Variants in WFDC11 observed in about 807,000 individuals in gnomAD.
WFDC11 encodes the protein WAP four-disulfide core domain 11.
Under a neutral mutation model 9.9 loss-of-function variants are expected in WFDC11, and 9 were observed. That is an observed-to-expected ratio of 0.91 (90% CI 0.55 to 1.58). The LOEUF (loss-of-function observed/expected upper bound fraction) is 1.58, where lower values mean the gene tolerates loss of function less well. Ranked by LOEUF, WFDC11 falls within the 40% of genes most tolerant of loss-of-function variation. The pLI is 0.00. For synonymous variants in WFDC11, 32 were observed against 33.3 expected (o/e 0.96, Z 0.13); for missense variants, 106 against 101.7 (o/e 1.04, Z -0.18).
At chr20:45,661,773 C>T (rs1315837096) in intron 2 of WFDC11, among the ~76,000 whole-genome samples, 5 of 152,080 alleles carry the variant, frequency 3.3e-5, no homozygotes, top group Non-Finnish European at 7.4e-5. Context: ...TTCCATTGAT[C>T]TATATCTCCG....
chr20:45,665,289 A>G (rs1983163894), intron 2 of WFDC11, among the ~76,000 whole-genome samples: 1 of 152,030 alleles, frequency 6.6e-6, no homozygotes, highest in Non-Finnish European at 1.5e-5. Context: ...TCTTCTCTAC[A>G]CTGTTTATTC....
chr20:45,669,995 C>G (rs1339180289), intron 1 of WFDC11, among the ~76,000 whole-genome samples, 183 bp downstream of exon 1: 4 of 151,862 alleles, frequency 2.6e-5, no homozygotes, highest in African/African-American at 9.7e-5. Context: ...TACCACTGAC[C>G]CCATAAAAAT....
At chr20:45,663,102 GTTA>G (rs1983107747) in intron 2 of WFDC11, among the ~76,000 whole-genome samples, 2 of 152,074 alleles carry the variant, frequency 1.3e-5, no homozygotes, top group Admixed American at 1.3e-4. Flanking sequence ...TTCAAAGCCT[GTTA>G]TTAGTATATT....
At position 45,661,570 on chromosome 20, in the gene WFDC11, A is replaced by G. The variant is rs1283936997; in HGVS notation, c.-52+5518T>C. ...TTTTAGGTATAACGTTTAAGTCTTTAATCCATCTTGAATTAATTTTTGTAT... is the reference window on the plus strand; with the variant it reads ...TTTTAGGTATAACGTTTAAGTCTTTGATCCATCTTGAATTAATTTTTGTAT... On this transcript the variant is annotated intron_variant, in intron 2 of 4. Transcript: ENST00000324384. Among the ~76,000 whole-genome samples the G allele has an allele frequency of 4.6e-5, 7 of 152,308 alleles. No individual in the cohort carries two copies. In the East Asian group the frequency reaches 1.2e-3, roughly 25 times the overall value.
chr20:45,648,889 G>A lies in WFDC11; in HGVS notation c.244-150C>T, dbSNP rs73304831. On this transcript the variant is annotated intron_variant, in intron 4 of 4. Coordinates refer to ENST00000324384, the MANE Select transcript of WFDC11 (RefSeq NM_147197.2). ...AGGAGTTGTCCACTTCTGAGTAGGT[G>A]AGGTATTGGACAAAAAAAGGTGGAG... 6.8e-6 allele frequency: 6 copies of A among 884,022 alleles called. No homozygotes were observed. The African/African-American group carries it at 1.0e-4, about 15-fold the overall frequency. 54.8% of individuals were successfully genotyped at this position (884,022 alleles called of 1,614,324 possible). A position where few individuals can be genotyped will look rare whatever the true frequency, so the allele number is the denominator to read the frequency against.
intron 2 of WFDC11, among the ~76,000 whole-genome samples, chr20:45,664,286 C>T (rs747433196): frequency 2.0e-5 from 3 of 152,068 alleles, no homozygotes; most frequent in Non-Finnish European, 2.9e-5. Context: ...AGATCGGCCT[C>T]CATCCCTTTA....
At chr20:45,661,181 T>C (rs1174214719) in intron 2 of WFDC11, among the ~76,000 whole-genome samples, 1 of 152,322 alleles carries the variant, frequency 6.6e-6, no homozygotes, top group East Asian at 1.9e-4. Flanking sequence ...TGGTGAGCAT[T>C]TTTTCATGTG....
intron 2 of WFDC11, among the ~76,000 whole-genome samples, chr20:45,651,325 A>G (rs1370062860): frequency 6.6e-6 from 1 of 152,218 alleles, no homozygotes; most frequent in Non-Finnish European, 1.5e-5. Context: ...AAAAGGCAAT[A>G]TACATCCAGT....
intron 2 of WFDC11, among the ~76,000 whole-genome samples, chr20:45,656,767 G>A (rs1982942712): frequency 6.6e-6 from 1 of 152,200 alleles, no homozygotes; most frequent in Non-Finnish European, 1.5e-5. Context: ...CAAAGAGTGG[G>A]CAAAGGATAT....
chr20:45,665,322 T>C (rs893224685), intron 2 of WFDC11, among the ~76,000 whole-genome samples: 4 of 152,208 alleles, frequency 2.6e-5, no homozygotes, highest in Non-Finnish European at 5.9e-5. Flanking sequence ...CATCTGACTT[T>C]TTCTTATGGT....
chr20:45,654,552 G>A lies in WFDC11; in HGVS notation c.-51-3901C>T, dbSNP rs184945490. 7.2e-5 allele frequency among the ~76,000 whole-genome samples: 11 copies of A among 152,256 alleles called. No individual in the cohort carries two copies. The East Asian group carries it at 2.1e-3, about 29-fold the overall frequency. On this transcript the variant is annotated intron_variant, in intron 2 of 4. Coordinates refer to ENST00000324384, the MANE Select transcript of WFDC11 (RefSeq NM_147197.2). The stretch of plus-strand genomic sequence containing the variant: ...GAAGCAAGAGCAAACAAATTCAAAA[G>A]CTAGCAGAAGGCAAGAAATAACTAA...
rs115022691 is a variant in WFDC11, at chr20:45,668,636, C to T, written c.-133-1467G>A. Among the ~76,000 whole-genome samples the T allele has an allele frequency of 5.5e-3, 840 of 152,228 alleles. 7 individuals carry two copies. Among genetic ancestry groups the T allele is most frequent in the African/African-American group, 0.019 (806 of 41,520 alleles). On this transcript the variant is annotated intron_variant, in intron 1 of 4. Transcript: ENST00000324384. Reference sequence around the variant, plus strand: ...TGTTAATCTTGTCAACCTATGCTAACATTTGTGCATATATTCTAGTAGACT... The same window carrying T: ...TGTTAATCTTGTCAACCTATGCTAATATTTGTGCATATATTCTAGTAGACT...
At chr20:45,668,376 C>G (rs1309437480) in intron 1 of WFDC11, among the ~76,000 whole-genome samples, 1 of 152,062 alleles carries the variant, frequency 6.6e-6, no homozygotes, top group Non-Finnish European at 1.5e-5. Context: ...CTAACATTTT[C>G]TTCTCTAGTT....
chr20:45,649,355 T>C lies in WFDC11; in HGVS notation c.145A>G (p.Lys49Glu). The change falls in exon 4 of 5, where the codon AAA (lysine) becomes GAA (glutamate). Residue 49 changes from lysine to glutamate, a missense_variant. By Grantham distance (56) the Lys-to-Glu change is moderately conservative (BLOSUM62 1). Coordinates refer to ENST00000324384, the MANE Select transcript of WFDC11 (RefSeq NM_147197.2). ...TTAGAACACTTATTGGTACATTCTTTGACATTTGGCTTTCCCCAGCATTCT... is the reference window on the plus strand; with the variant it reads ...TTAGAACACTTATTGGTACATTCTTCGACATTTGGCTTTCCCCAGCATTCT... ...LEECWGKPNV[K>E]ECTNKCSKAF... 6.2e-7 allele frequency: 1 copy of C among 1,614,198 alleles called. No individual in the cohort carries two copies. The highest frequency in any genetic ancestry group is 8.5e-7 in the Non-Finnish European group (1 of 1,180,024).
At chr20:45,649,436 TG>T in intron 3 of WFDC11, 37 bp from the exon 4 acceptor site, 1 of 1,607,044 alleles carries the variant, frequency 6.2e-7, no homozygotes, top group South Asian at 1.1e-5. Flanking sequence ...GTTGATGGTA[TG>T]TTTCAGCCAA....
At chr20:45,666,407 C>A (rs540341977) in intron 2 of WFDC11, among the ~76,000 whole-genome samples, 69 of 152,156 alleles carry the variant, frequency 4.5e-4, no homozygotes. Context: ...ACCCTGCTTC[C>A]GCTCACCCTC....
chr20:45,650,790 G>T (rs1055081709), intron 2 of WFDC11, 139 bp from the exon 3 acceptor site: 8 of 498,158 alleles, frequency 1.6e-5, no homozygotes, highest in Non-Finnish European at 2.5e-5. Context: ...TAAGCTGAGC[G>T]TTGGCTTTGC....
At chr20:45,651,124 T>A (rs1243341347) in intron 2 of WFDC11, among the ~76,000 whole-genome samples, 2 of 152,138 alleles carry the variant, frequency 1.3e-5, no homozygotes, top group East Asian at 3.9e-4. Context: ...TATTCATGAG[T>A]TCTCATCATT....
At position 45,650,555 on chromosome 20, in the gene WFDC11, A is replaced by G. The variant is rs1568660783; in HGVS notation, c.46T>C (p.Phe16Leu). The change falls in exon 3 of 5, where the codon TTC becomes CTC. Residue 16 changes from phenylalanine (F) to leucine (L), a missense_variant. Phe to Leu is a conservative substitution (Grantham distance 22, BLOSUM62 0). Transcript: ENST00000324384. ...KLWIPMLMTFFCTVLLSVLGE... is the reference protein window; with the variant it reads ...KLWIPMLMTFLCTVLLSVLGE... Reference sequence around the variant, plus strand: ...AGCACAGACAGTAGCACCGTACAGAAGAATGTCATGAGCATGGGTATCCAG... The same window carrying G: ...AGCACAGACAGTAGCACCGTACAGAGGAATGTCATGAGCATGGGTATCCAG... 4 of 1,614,172 alleles carry G rather than the reference A, an allele frequency of 2.5e-6. No homozygotes were observed. The highest frequency in any genetic ancestry group is 2.5e-6 in the Non-Finnish European group (3 of 1,180,044).
Sources: gnomAD v4.1 joint callset for allele counts (sites outside exome capture counted in the v4.1 genomes callset) on GRCh38, gnomAD v4.1.1 for gene constraint, MANE v1.5 for transcripts, NCBI Gene and HGNC (gene_info 2026-07-23, HGNC 2026-07-21) for gene names.